Variants in SMPD4 observed in about 807,000 individuals in gnomAD.
SMPD4 encodes the protein neutral sphingomyelinase 3.
Under a neutral mutation model 97.8 loss-of-function variants are expected in SMPD4, and 58 were observed. That is an observed-to-expected ratio of 0.59 (90% CI 0.48 to 0.74). The LOEUF is 0.74. SMPD4 is among the 30% of genes least tolerant of loss of function. The pLI is 0.00. For missense variants in SMPD4, 853 were observed against 1,080.5 expected (o/e 0.79, Z 2.95); for synonymous variants, 388 against 450.0 (o/e 0.86, Z 1.74).
chr2:130,173,182 A>C, intron 5 of SMPD4, 97 bp downstream of exon 5: 2 of 1,230,492 alleles, frequency 1.6e-6, no homozygotes, highest in Non-Finnish European at 2.3e-6. Flanking sequence ...TCGCTCCTCA[A>C]TTTGCCCTCA....
intron 10 of SMPD4, among the ~76,000 whole-genome samples, chr2:130,163,354 G>C (rs1354512542): frequency 6.6e-6 from 1 of 152,246 alleles, no homozygotes; most frequent in Non-Finnish European, 1.5e-5. Context: ...GTGATTCTGA[G>C]GGTGAGGATT....
In SMPD4 at chr2:130,153,347, A is replaced by T. The variant is rs777580014; in HGVS notation, c.1997T>A (p.Leu666His). 1 of 1,613,836 alleles carries T rather than the reference A, an allele frequency of 6.2e-7. No homozygotes were observed. Among genetic ancestry groups the T allele is most frequent in the Non-Finnish European group, 8.5e-7 (1 of 1,180,018 alleles). Residue 666 changes from leucine to histidine, a missense_variant, in exon 18 of 20, where the codon CTC becomes CAC. Transcript: ENST00000680298. ...LPDCIVGEDG[L>H]ILTPLGRYQI... ...GTACCGCCCCAGGGGCGTAAGGATGAGTCCGTCCTCACCCACGATGCAGTC... is the reference window on the plus strand; with the variant it reads ...GTACCGCCCCAGGGGCGTAAGGATGTGTCCGTCCTCACCCACGATGCAGTC...
chr2:130,164,475 T>C (rs778567594), intron 9 of SMPD4, 30 bp from the exon 10 acceptor site: 1 of 1,593,344 alleles, frequency 6.3e-7, no homozygotes, highest in African/African-American at 1.3e-5. Flanking sequence ...AGTCAAACCA[T>C]TCTTGACAAT....
rs1019328843 is a variant in SMPD4, at chr2:130,156,030, C to G, written c.1289+5G>C. ...GGCATGTCTGTGAGAGGAGCTGAGGCTCACCATTTCTCCGACACACACCGG... is the reference window on the plus strand; with the variant it reads ...GGCATGTCTGTGAGAGGAGCTGAGGGTCACCATTTCTCCGACACACACCGG... On this transcript the variant is annotated splice_donor_5th_base_variant and intron_variant, in intron 14 of 19. Coordinates refer to ENST00000680298, the MANE Select transcript of SMPD4 (RefSeq NM_017951.5). 6.2e-7 allele frequency: 1 copy of G among 1,610,638 alleles called. No individual in the cohort carries two copies. The highest frequency in any genetic ancestry group is 1.3e-5 in the African/African-American group (1 of 74,848).
intron 9 of SMPD4, among the ~76,000 whole-genome samples, chr2:130,167,208 C>T (rs1688019151): frequency 6.6e-6 from 1 of 152,160 alleles, no homozygotes; most frequent in Admixed American, 6.5e-5. Flanking sequence ...GCAGCCTCCA[C>T]CTCCTGGGTT....
At chr2:130,178,366 C>G (rs1436543113) in intron 1 of SMPD4, among the ~76,000 whole-genome samples, 2 of 152,160 alleles carry the variant, frequency 1.3e-5, no homozygotes, top group East Asian at 3.8e-4. Flanking sequence ...GTGGCAGAAC[C>G]AAGATTCCAA....
chr2:130,153,414 A>C lies in SMPD4; in HGVS notation c.1930T>G (p.Leu644Val), dbSNP rs2104797285. Residue 644 changes from leucine (L) to valine (V), a missense_variant, in exon 18 of 20, where the codon TTG becomes GTG. Coordinates refer to ENST00000680298, the MANE Select transcript of SMPD4 (RefSeq NM_017951.5). ...CCATTCTCATCCTGGGTGGTGCCCA[A>C]GGCGAGTGTGAACTGCCTGAGCTGC... is the stretch of plus-strand genomic sequence containing the variant. ...EAQLRQFTLA[L>V]GTTQDENGKK... 6.2e-7 allele frequency: 1 copy of C among 1,613,932 alleles called. No homozygotes were observed. Among genetic ancestry groups the C allele is most frequent in the Non-Finnish European group, 8.5e-7 (1 of 1,180,016 alleles).
chr2:130,174,930 T>A lies in SMPD4; in HGVS notation c.110A>T (p.Glu37Val), dbSNP rs1688828023. 4 of 1,606,842 alleles carry A rather than the reference T, an allele frequency of 2.5e-6. No homozygotes were observed. The African/African-American group carries it at 5.3e-5, about 21-fold the overall frequency. Residue 37 changes from glutamate (E) to valine (V), a missense_variant, in exon 3 of 20, where the codon GAG becomes GTG. Around this residue, in one of 3 missense-constraint regions of SMPD4, gnomAD observed 313 missense variants for 402.2 expected, o/e 0.78. Transcript: ENST00000680298. ...GAGCTATACCTTTGCTGGAAAGTCCTCAATGACTTTAACCAAGTCTTGGCA... is the reference window on the plus strand; with the variant it reads ...GAGCTATACCTTTGCTGGAAAGTCCACAATGACTTTAACCAAGTCTTGGCA... ...QQCQDLVKVI[E>V]DFPAKELHTI... is the part of the protein sequence containing the mutation.
chr2:130,153,561 G>T, intron 17 of SMPD4, 111 bp from the exon 18 acceptor site: 1 of 1,577,714 alleles, frequency 6.3e-7, no homozygotes, highest in Non-Finnish European at 8.6e-7. Flanking sequence ...ATGACGCTCG[G>T]GGTGTGGGCC....
At chr2:130,172,992 T>G in intron 5 of SMPD4, 97 bp from the exon 6 acceptor site, 1 of 1,484,832 alleles carries the variant, frequency 6.7e-7, no homozygotes, top group South Asian at 1.3e-5. Flanking sequence ...GGAAGGCTGC[T>G]GGGGAAGAGA....
At chr2:130,170,732 C>A (rs1255699512) in intron 8 of SMPD4, among the ~76,000 whole-genome samples, 1 of 151,570 alleles carries the variant, frequency 6.6e-6, no homozygotes, top group Non-Finnish European at 1.5e-5. Context: ...ACACTGCACT[C>A]CAGGCTGAGC....
At chr2:130,154,825 G>A in intron 15 of SMPD4, 1 of 603,626 alleles carries the variant, frequency 1.7e-6, no homozygotes, top group South Asian at 2.0e-5. Flanking sequence ...AAACAGCGGG[G>A]TCACGGGGCC....
chr2:130,178,799 G>GAAA (rs149238430), intron 1 of SMPD4, among the ~76,000 whole-genome samples: 14 of 141,418 alleles, frequency 9.9e-5, no homozygotes, highest in Admixed American at 9.7e-4. Context: ...TCAAAAAATG[G>GAAA]AAAAAAAAAA....
chr2:130,162,427 A>G (rs1687520787), intron 10 of SMPD4, among the ~76,000 whole-genome samples: 1 of 152,224 alleles, frequency 6.6e-6, no homozygotes, highest in South Asian at 2.1e-4. Context: ...GCAGGGAGTG[A>G]AGGAGCAGGG....
At chr2:130,173,423 T>C (rs1367686941) in intron 4 of SMPD4, 69 bp from the exon 5 acceptor site, 13 of 1,597,214 alleles carry the variant, frequency 8.1e-6, no homozygotes, top group African/African-American at 1.3e-5. Flanking sequence ...GCTTTGATTG[T>C]TTCTTAATCT....
chr2:130,159,048 G>A (rs1286513632), intron 11 of SMPD4, among the ~76,000 whole-genome samples: 3 of 152,172 alleles, frequency 2.0e-5, no homozygotes, highest in Non-Finnish European at 4.4e-5. Context: ...CACCCGCGCT[G>A]TAGTGTCGTG....
chr2:130,156,150 T>G lies in SMPD4; in HGVS notation c.1189-15A>C. 1 of 1,596,002 alleles carries G rather than the reference T, an allele frequency of 6.3e-7. No homozygotes were observed. On this transcript the variant is annotated splice_polypyrimidine_tract_variant and intron_variant, in intron 13 of 19. Transcript: ENST00000680298. ...ATCTCCAGGACCTGTGGGGGAGGTG[T>G]GTGCTAAGGGCTCCGTGGCTGGGGG...
chr2:130,169,331 G>C (rs1364630187), intron 8 of SMPD4, among the ~76,000 whole-genome samples: 1 of 152,188 alleles, frequency 6.6e-6, no homozygotes, highest in Non-Finnish European at 1.5e-5. Context: ...CACAGTGTGA[G>C]GCCTGGTGGC....
chr2:130,161,481 G>T (rs1205053395), intron 10 of SMPD4, among the ~76,000 whole-genome samples: 1 of 152,148 alleles, frequency 6.6e-6, no homozygotes, highest in African/African-American at 2.4e-5. Context: ...CAGCAGCCGC[G>T]GGCCAGCGCA....
Sources: gnomAD v4.1 joint callset for allele counts (sites outside exome capture counted in the v4.1 genomes callset) on GRCh38, gnomAD v4.1.1 for gene constraint, gnomAD v4.1.1 regional missense constraint, MANE v1.5 for transcripts, NCBI Gene and HGNC (gene_info 2026-07-23, HGNC 2026-07-21) for gene names.